The following TRPM4 variants were observed in gnomAD, a reference collection of about 807,000 sequenced individuals.
TRPM4 encodes calcium-activated non-selective cation channel 1.
In TRPM4, 124 loss-of-function variants were observed where a neutral mutation model predicts 135.6. That is an observed-to-expected ratio of 0.91 (90% CI 0.79 to 1.06). TRPM4 has a LOEUF of 1.06. TRPM4 is among the 50% of genes least tolerant of loss of function. The probability of loss-of-function intolerance (pLI) is 0.00; values close to 1 mark genes in which losing one functional copy is unlikely to be tolerated. For synonymous variants in TRPM4, 745 were observed against 705.6 expected (o/e 1.06, Z -0.88); for missense variants, 1,658 against 1,671.4 (o/e 0.99, Z 0.14).
chr19:49,168,157 C>G, intron 4 of TRPM4, 60 bp downstream of exon 4: 3 of 1,591,518 alleles, frequency 1.9e-6, no homozygotes, highest in Non-Finnish European at 8.6e-7. Flanking sequence ...ATCTCCCCCA[C>G]GACTGTGGGT....
intron 16 of TRPM4, among the ~76,000 whole-genome samples, chr19:49,191,440 A>C (rs1003705085): frequency 6.6e-6 from 1 of 151,890 alleles, no homozygotes; most frequent in Non-Finnish European, 1.5e-5. Flanking sequence ...TCCTGACCTC[A>C]AGTGATCCGC....
At chr19:49,196,235 C>G (rs1968629954) in intron 16 of TRPM4, among the ~76,000 whole-genome samples, 1 of 152,176 alleles carries the variant, frequency 6.6e-6, no homozygotes, top group Non-Finnish European at 1.5e-5. Flanking sequence ...CTCCTCGGCT[C>G]AAGCGATCAA....
chr19:49,190,564 G>T, intron 15 of TRPM4, 132 bp from the exon 16 acceptor site: 1 of 965,922 alleles, frequency 1.0e-6, no homozygotes. Flanking sequence ...AGGTCCCTTT[G>T]GGATGACTTT....
chr19:49,170,567 T>C (rs1329804796), intron 6 of TRPM4, among the ~76,000 whole-genome samples: 1 of 152,200 alleles, frequency 6.6e-6, no homozygotes, highest in Non-Finnish European at 1.5e-5. Flanking sequence ...AATATCTATA[T>C]TGTGGTTAGA....
At chr19:49,181,766 T>C (rs1967937119) in intron 10 of TRPM4, among the ~76,000 whole-genome samples, 1 of 151,892 alleles carries the variant, frequency 6.6e-6, no homozygotes, top group Admixed American at 6.6e-5. Context: ...TCTCCTGACC[T>C]TGTGATCCGC....
At chr19:49,194,602 TTTTCTTTCCTTCCTTCC>T (rs1002325363) in intron 16 of TRPM4, among the ~76,000 whole-genome samples, 1 of 151,088 alleles carries the variant, frequency 6.6e-6, no homozygotes, top group Non-Finnish European at 1.5e-5. Flanking sequence ...TTTCCTTTCC[TTTTCTTTCCTTCCTTCC>T]TTTCTTTCCT....
chr19:49,211,365 C>T lies in TRPM4; in HGVS notation c.3640+96C>T. ...GCACCTTTCCAGTGTCCCTGGGTCA[C>T]TCTCTTGGTCTCCTTTGAGCCTTTT... On this transcript the variant is annotated intron_variant, in intron 24 of 24. Transcript: ENST00000252826. This position sits in a 1 kb window ranked among gnomAD's most constrained non-coding sequence, Gnocchi z 4.8. 1.3e-6 allele frequency: 2 copies of T among 1,577,168 alleles called. No individual in the cohort carries two copies. The highest frequency in any genetic ancestry group is 1.7e-6 in the Non-Finnish European group (2 of 1,151,964).
chr19:49,190,610 G>C, intron 15 of TRPM4, 86 bp from the exon 16 acceptor site: 1 of 1,370,792 alleles, frequency 7.3e-7, no homozygotes, highest in Non-Finnish European at 1.0e-6. Flanking sequence ...CCATGTCTCC[G>C]GGTGAAGAAG....
intron 9 of TRPM4, among the ~76,000 whole-genome samples, chr19:49,181,148 A>C (rs543914189): frequency 6.6e-6 from 1 of 152,274 alleles, no homozygotes; most frequent in South Asian, 2.1e-4. Flanking sequence ...GCTGTAAACC[A>C]GTGGTCTGTG....
At chr19:49,187,774 G>A (rs925265978) in intron 12 of TRPM4, among the ~76,000 whole-genome samples, 1 of 152,172 alleles carries the variant, frequency 6.6e-6, no homozygotes, top group Non-Finnish European at 1.5e-5. Context: ...AGCTTTTAAA[G>A]ATAATTTGGT....
rs754541695 is a variant in TRPM4, at chr19:49,171,385, C to T, written c.825C>T (p.Leu275=). Reference sequence around the variant, plus strand: ...CTGGAATTGACATCCCTGTCCTGCTCCTCCTGATTGATGGTGATGAGAAGA... The same window carrying T: ...CTGGAATTGACATCCCTGTCCTGCTTCTCCTGATTGATGGTGATGAGAAGA... The part of the protein sequence containing the change: ...GGTGIDIPVL[L]LLIDGDEKML... The change falls in exon 7 of 25, where the codon CTC becomes CTT. Residue 275 remains leucine (L), a synonymous_variant. Coordinates refer to ENST00000252826, the MANE Select transcript of TRPM4 (RefSeq NM_017636.4). The surrounding 1 kb of genome is among the most constrained non-coding windows in gnomAD (Gnocchi z 4.7). 2.5e-6 allele frequency: 4 copies of T among 1,614,054 alleles called. No homozygotes were observed. The highest frequency in any genetic ancestry group is 1.7e-5 in the Admixed American group (1 of 60,006).
intron 10 of TRPM4, among the ~76,000 whole-genome samples, chr19:49,181,849 G>T (rs1207471002): frequency 6.6e-6 from 1 of 151,724 alleles, no homozygotes; most frequent in Non-Finnish European, 1.5e-5. Flanking sequence ...CTTCTTAGAC[G>T]CCCCTCAACC....
chr19:49,200,418 A>G lies in TRPM4; in HGVS notation c.2764A>G (p.Ile922Val). Residue 922 changes from isoleucine (I) to valine (V), a missense_variant, in exon 18 of 25, where the codon ATC becomes GTC. By Grantham distance (29) the Ile-to-Val change is conservative. Coordinates refer to ENST00000252826, the MANE Select transcript of TRPM4 (RefSeq NM_017636.4). ...VNKQLGPKIV[I>V]VSKMMKDVFF... ...CAAACAGCTGGGGCCCAAGATCGTCATCGTGAGCAAGATGGTGAGGCAGGG... is the reference window on the plus strand; with the variant it reads ...CAAACAGCTGGGGCCCAAGATCGTCGTCGTGAGCAAGATGGTGAGGCAGGG... 5 of 1,577,108 alleles carry G rather than the reference A, an allele frequency of 3.2e-6. No homozygotes were observed. Among genetic ancestry groups the G allele is most frequent in the Non-Finnish European group, 4.3e-6 (5 of 1,157,254 alleles).
chr19:49,210,180 A>G lies in TRPM4; in HGVS notation c.3132-29A>G. 6 of 1,613,870 alleles carry G rather than the reference A, an allele frequency of 3.7e-6. No individual in the cohort carries two copies. Among genetic ancestry groups the G allele is most frequent in the Non-Finnish European group, 5.1e-6 (6 of 1,179,734 alleles). On this transcript the variant is annotated intron_variant, in intron 20 of 24. Transcript: ENST00000252826. This position sits in a 1 kb window ranked among gnomAD's most constrained non-coding sequence, Gnocchi z 4.1. ...TTGCCCCTGGCTGGGCCCTGACCTC[A>G]AGTGACCTTTGACCTCTGGCCTTTG...
intron 20 of TRPM4, among the ~76,000 whole-genome samples, chr19:49,205,759 C>T (rs1969125309): frequency 6.6e-6 from 1 of 151,930 alleles, no homozygotes; most frequent in South Asian, 2.1e-4. Context: ...CGATCTCAAA[C>T]TCCTGACCTC....
At position 49,211,310 on chromosome 19, in the gene TRPM4, T is replaced by C; in HGVS notation, c.3640+41T>C. 6.3e-7 allele frequency: 1 copy of C among 1,580,004 alleles called. No individual in the cohort carries two copies. The highest frequency in any genetic ancestry group is 8.6e-7 in the Non-Finnish European group (1 of 1,161,494). On this transcript the variant is annotated intron_variant, in intron 24 of 24. Coordinates refer to ENST00000252826, the MANE Select transcript of TRPM4 (RefSeq NM_017636.4). This position sits in a 1 kb window ranked among gnomAD's most constrained non-coding sequence, Gnocchi z 4.8. ...CAGCCTGTGCATCTCCAGCCTCTGT[T>C]CCTGTATTTTTGCGTGTTTTTCTCT...
intron 3 of TRPM4, among the ~76,000 whole-genome samples, chr19:49,166,825 C>G (rs374024846): frequency 7.8e-6 from 1 of 127,988 alleles, no homozygotes; most frequent in Admixed American, 8.0e-5. Context: ...TCTCTGTCCC[C>G]GTCTCTCTGG....
chr19:49,176,534 C>T (rs1480095859), intron 9 of TRPM4, among the ~76,000 whole-genome samples: 1 of 152,068 alleles, frequency 6.6e-6, no homozygotes, highest in East Asian at 1.9e-4. Context: ...GTTATTTTTG[C>T]TTTGGAATCA....
chr19:49,206,823 A>T (rs1300506385), intron 20 of TRPM4, among the ~76,000 whole-genome samples: 1 of 152,158 alleles, frequency 6.6e-6, no homozygotes, highest in Non-Finnish European at 1.5e-5. Flanking sequence ...GTTCTTTTTA[A>T]TGCTTTTCCA....
Sources: gnomAD v4.1 joint callset for allele counts (sites outside exome capture counted in the v4.1 genomes callset) on GRCh38, gnomAD v4.1.1 for gene constraint, Gnocchi (gnomAD v3.1) non-coding constraint, MANE v1.5 for transcripts, NCBI Gene and HGNC (gene_info 2026-07-23, HGNC 2026-07-21) for gene names.